Variants in ZRANB3 observed in about 807,000 individuals in gnomAD.
The protein encoded by ZRANB3 is zinc finger RANBP2-type containing 3.
In ZRANB3, 125 loss-of-function variants were observed where a neutral mutation model predicts 133.8. That is an observed-to-expected ratio of 0.93 (90% CI 0.81 to 1.08). The LOEUF (loss-of-function observed/expected upper bound fraction) is 1.08. Ranked by LOEUF, ZRANB3 falls within the 50% of genes least tolerant of loss-of-function variation. ZRANB3 has a pLI of 0.00. For missense variants in ZRANB3, 1,229 were observed against 1,275.5 expected (o/e 0.96, Z 0.56); for synonymous variants, 387 against 432.7 (o/e 0.89, Z 1.31).
chr2:135,327,594 C>G (rs1244801066), intron 6 of ZRANB3, among the ~76,000 whole-genome samples: 2 of 152,038 alleles, frequency 1.3e-5, no homozygotes, highest in Non-Finnish European at 2.9e-5. Context: ...CCAAATAATT[C>G]AAATACTGGA....
Position 135,208,961 on chromosome 2 carries a change from T to A in ZRANB3, c.2513A>T (p.Asp838Val). 6.2e-7 allele frequency: 1 copy of A among 1,613,952 alleles called. No homozygotes were observed. Reference sequence around the variant, plus strand: ...TTTGTCCATTGAGGCTACGGCAACATCTTCTTTGGTTATGTATCTAAAACA... The same window carrying A: ...TTTGTCCATTGAGGCTACGGCAACAACTTCTTTGGTTATGTATCTAAAACA... ...NCTKRYITKE[D>V]VAVASMDKVK... The change falls in exon 18 of 21, where the codon GAT becomes GTT. Residue 838 changes from aspartate (D) to valine (V), a missense_variant. By Grantham distance (152) the Asp-to-Val change is radical. Coordinates refer to ENST00000264159, the MANE Select transcript of ZRANB3 (RefSeq NM_032143.4).
At chr2:135,518,282 G>A (rs1434072898) in intron 1 of ZRANB3, among the ~76,000 whole-genome samples, 1 of 152,084 alleles carries the variant, frequency 6.6e-6, no homozygotes, top group African/African-American at 2.4e-5. Flanking sequence ...TGTCTCGCTG[G>A]TGTTCCAGGA....
intron 12 of ZRANB3, among the ~76,000 whole-genome samples, chr2:135,246,039 CTTT>C (rs569950745): frequency 2.0e-5 from 2 of 100,418 alleles, no homozygotes; most frequent in Non-Finnish European, 2.0e-5. Flanking sequence ...TTCTTTCTTT[CTTT>C]TTTTTTTTTT....
chr2:135,351,035 C>A (rs1279535608), intron 4 of ZRANB3, among the ~76,000 whole-genome samples: 3 of 152,024 alleles, frequency 2.0e-5, no homozygotes, highest in African/African-American at 7.3e-5. Context: ...GTGCTATGAT[C>A]CCAAATAAAG....
rs190698575 is a variant in ZRANB3, at chr2:135,466,641, T to C, written c.161+37688A>G. Among the ~76,000 whole-genome samples, 5 of 151,968 alleles carry C rather than the reference T, an allele frequency of 3.3e-5. No individual in the cohort carries two copies. In the East Asian group the frequency reaches 7.8e-4, roughly 24 times the overall value. On this transcript the variant is annotated intron_variant, in intron 2 of 20. Coordinates refer to ENST00000264159, the MANE Select transcript of ZRANB3 (RefSeq NM_032143.4). Reference sequence around the variant, plus strand: ...TTATTAAATGATCCATAATAGTATATAAGGATCCTTCAGCTTTAGAATTCT... The same window carrying C: ...TTATTAAATGATCCATAATAGTATACAAGGATCCTTCAGCTTTAGAATTCT...
intron 1 of ZRANB3, among the ~76,000 whole-genome samples, chr2:135,530,893 G>C (rs553216934): frequency 4.6e-5 from 7 of 152,276 alleles, no homozygotes; most frequent in African/African-American, 1.7e-4. Flanking sequence ...ATGAGTAGGG[G>C]AAAAGCATGT....
chr2:135,244,774 G>T (rs1326977044), intron 12 of ZRANB3, among the ~76,000 whole-genome samples: 1 of 149,216 alleles, frequency 6.7e-6, no homozygotes, highest in Non-Finnish European at 1.5e-5. Context: ...TACTATTTAA[G>T]CAATGACTTA....
chr2:135,350,071 A>T lies in ZRANB3; in HGVS notation c.504T>A (p.Thr168=), dbSNP rs775648049. The change falls in exon 5 of 21, where the codon ACT becomes ACA. Residue 168 remains threonine, a synonymous_variant. Transcript: ENST00000264159. ...ESHYMKSRNA[T]RSRILLPIVQ... is the part of the protein sequence containing the mutation. ...CTATTGGCAATAAAATCCTGCTGCG[A>T]GTTGCATTTCTGGATTTCATGTAGT... 6.2e-7 allele frequency: 1 copy of T among 1,613,846 alleles called. No homozygotes were observed. Among genetic ancestry groups the T allele is most frequent in the Non-Finnish European group, 8.5e-7 (1 of 1,179,854 alleles).
chr2:135,313,168 G>C (rs1235189107), intron 8 of ZRANB3, among the ~76,000 whole-genome samples: 1 of 151,686 alleles, frequency 6.6e-6, no homozygotes, highest in African/African-American at 2.4e-5. Flanking sequence ...TGTTTACTTT[G>C]AGTATGTCTG....
chr2:135,205,858 T>C (rs1334242558), intron 19 of ZRANB3, among the ~76,000 whole-genome samples: 1 of 152,238 alleles, frequency 6.6e-6, no homozygotes, highest in African/African-American at 2.4e-5. Context: ...ACTACATTTC[T>C]GGGTTATCTG....
intron 2 of ZRANB3, among the ~76,000 whole-genome samples, chr2:135,451,009 C>G (rs918678491): frequency 6.6e-6 from 1 of 152,164 alleles, no homozygotes; most frequent in East Asian, 1.9e-4. Flanking sequence ...AATCTCCAGA[C>G]CAGGAATTGT....
intron 2 of ZRANB3, among the ~76,000 whole-genome samples, chr2:135,445,733 G>A (rs370169375): frequency 1.0e-4 from 15 of 149,446 alleles, no homozygotes; most frequent in South Asian, 6.4e-4. Flanking sequence ...AAAATTAGCC[G>A]GGTGCAGTGG....
intron 2 of ZRANB3, among the ~76,000 whole-genome samples, chr2:135,472,028 G>T (rs4954257): frequency 1.3e-5 from 2 of 151,982 alleles, no homozygotes; most frequent in Non-Finnish European, 2.9e-5. Context: ...GCAAATAAAT[G>T]TAAGAATGAA....
At chr2:135,251,574 G>A (rs776692683) in intron 12 of ZRANB3, among the ~76,000 whole-genome samples, 22 of 152,092 alleles carry the variant, frequency 1.4e-4, no homozygotes, top group East Asian at 1.9e-4. Context: ...TCTTTCCTGC[G>A]CTATTCTTGT....
chr2:135,372,991 A>T (rs568946032), intron 3 of ZRANB3, among the ~76,000 whole-genome samples: 2 of 149,614 alleles, frequency 1.3e-5, no homozygotes, highest in Non-Finnish European at 3.0e-5. Context: ...CTAAGGCAGG[A>T]GGATTGCTTG....
At chr2:135,401,352 AT>A (rs1687721546) in intron 2 of ZRANB3, among the ~76,000 whole-genome samples, 1 of 152,188 alleles carries the variant, frequency 6.6e-6, no homozygotes, top group African/African-American at 2.4e-5. Context: ...AGTTGATGTG[AT>A]CTTTATGTGA....
chr2:135,443,453 A>C (rs1264407054), intron 2 of ZRANB3, among the ~76,000 whole-genome samples: 1 of 152,132 alleles, frequency 6.6e-6, no homozygotes, highest in African/African-American at 2.4e-5. Context: ...TGATGGGTGC[A>C]GCAAAACAAC....
intron 12 of ZRANB3, among the ~76,000 whole-genome samples, chr2:135,247,989 A>C (rs765511217): frequency 5.9e-5 from 9 of 151,980 alleles, no homozygotes; most frequent in Non-Finnish European, 1.3e-4. Context: ...ATCACCAGCT[A>C]CCTCCTTCAG....
At chr2:135,454,532 T>C (rs540175960) in intron 2 of ZRANB3, among the ~76,000 whole-genome samples, 1 of 152,302 alleles carries the variant, frequency 6.6e-6, no homozygotes, top group Non-Finnish European at 1.5e-5. Context: ...TAGTCTACTA[T>C]ACACCCAAAT....
Sources: allele counts gnomAD v4.1 joint callset (sites outside exome capture counted in the v4.1 genomes callset), GRCh38; gene constraint gnomAD v4.1.1; transcripts MANE v1.5; gene names NCBI Gene and HGNC (gene_info 2026-07-23, HGNC 2026-07-21).